L3MBTL1: variants seen among roughly 807,000 people sequenced by gnomAD.
L3MBTL1 encodes the protein lethal(3)malignant brain tumor-like protein 1.
Under a neutral mutation model 105.3 loss-of-function variants are expected in L3MBTL1, and 75 were observed. The ratio of observed to expected loss-of-function variants is 0.71; its 90% CI spans 0.59 to 0.86. L3MBTL1 has a LOEUF of 0.86. Ranked by LOEUF, L3MBTL1 falls within the 40% of genes least tolerant of loss-of-function variation. L3MBTL1 has a pLI of 0.00. For missense variants in L3MBTL1, 1,069 were observed against 1,126.4 expected (o/e 0.95, Z 0.73); for synonymous variants, 452 against 436.2 (o/e 1.04, Z -0.45).
intron 1 of L3MBTL1, among the ~76,000 whole-genome samples, chr20:43,508,311 C>T (rs2018039985): frequency 6.6e-6 from 1 of 152,126 alleles, no homozygotes; most frequent in Non-Finnish European, 1.5e-5. Flanking sequence ...CCGCCTTTGC[C>T]TATACCAGTC....
exon 19 of L3MBTL1, chr20:43,548,831 G>A (rs1316973916): frequency 6.6e-6 from 1 of 152,188 alleles, no homozygotes; most frequent in East Asian, 1.9e-4. Context: ...GTGAACCTCG[G>A]AAACATGTTT....
At position 43,536,584 on chromosome 20, in the gene L3MBTL1, G is replaced by C. The variant is rs569535396; in HGVS notation, c.2173+126G>C. The C allele has an allele frequency of 4.0e-5, 44 of 1,108,088 alleles. No individual in the cohort carries two copies. The African/African-American group carries it at 4.9e-4, about 12-fold the overall frequency. 68.6% of individuals were successfully genotyped at this position (1,108,088 alleles called of 1,614,324 possible). The stretch of plus-strand genomic sequence containing the variant: ...GCTAGAAGGAGGGCTGTGCCTCTTC[G>C]TTTGAGATACTGAGAGCACAGAGCA... On this transcript the variant is annotated intron_variant, in intron 19 of 21. Transcript: ENST00000418998.
chr20:43,528,720 C>T lies in L3MBTL1; in HGVS notation c.926C>T (p.Thr309Ile). ...ESYLEEQKAI[T>I]APVSLFQDSQ... ...TACCTAGAGGAGCAGAAGGCCATTA[C>T]TGCTCCAGTCAGCCTCTTCCAGGAC... The change falls in exon 8 of 22, where the codon ACT (threonine) becomes ATT (isoleucine). Residue 309 changes from threonine to isoleucine, a missense_variant. Transcript: ENST00000418998. 1 of 1,613,986 alleles carries T rather than the reference C, an allele frequency of 6.2e-7. No homozygotes were observed. Among genetic ancestry groups the T allele is most frequent in the Non-Finnish European group, 8.5e-7 (1 of 1,179,830 alleles).
chr20:43,537,274 A>G (rs2019679324), intron 19 of L3MBTL1, among the ~76,000 whole-genome samples: 1 of 152,222 alleles, frequency 6.6e-6, no homozygotes, highest in African/African-American at 2.4e-5. Context: ...TATTTTCCAC[A>G]GTTCTGGAGG....
At chr20:43,549,899 A>T (rs2145512484) in exon 19 of L3MBTL1, 1 of 152,332 alleles carries the variant, frequency 6.6e-6, no homozygotes, top group East Asian at 1.9e-4. Context: ...ACCACAACCC[A>T]GTAGGGGCCT....
In L3MBTL1 at chr20:43,536,092, C is replaced by T. The variant is rs1486943630; in HGVS notation, c.1926-5C>T. Reference sequence around the variant, plus strand: ...TAAACCCAACTGAAGTCTCTTCTTCCCCAGGAAGTGCCCCACTCCTGGTTG... The same window carrying T: ...TAAACCCAACTGAAGTCTCTTCTTCTCCAGGAAGTGCCCCACTCCTGGTTG... On this transcript the variant is annotated splice_polypyrimidine_tract_variant and splice_region_variant and intron_variant, in intron 17 of 21. Coordinates refer to ENST00000418998, the MANE Select transcript of L3MBTL1 (RefSeq NM_001377303.1). 4.3e-6 allele frequency: 7 copies of T among 1,612,696 alleles called. No individual in the cohort carries two copies. Among genetic ancestry groups the T allele is most frequent in the Non-Finnish European group, 5.1e-6 (6 of 1,179,926 alleles).
At chr20:43,549,969 C>T (rs2145512604) in exon 19 of L3MBTL1, 1 of 152,288 alleles carries the variant, frequency 6.6e-6, no homozygotes, top group Middle Eastern at 3.4e-3. Context: ...CAGTTGAGCT[C>T]CCACAGGGCT....
chr20:43,545,364 TAA>T (rs1055120504), downstream of L3MBTL1, among the ~76,000 whole-genome samples: 17 of 134,360 alleles, frequency 1.3e-4, no homozygotes, highest in Non-Finnish European at 1.3e-4. Context: ...GACTCAGTCT[TAA>T]AAAAAAAAAA....
At chr20:43,522,456 A>ATTTTTTTTTTTTTTT (rs778355165) in intron 7 of L3MBTL1, among the ~76,000 whole-genome samples, 6 of 89,938 alleles carry the variant, frequency 6.7e-5, no homozygotes, top group East Asian at 4.2e-4. Context: ...TTCCCTGCTA[A>ATTTTTTTTTTTTTTT]GTTTTTTTTT....
In L3MBTL1 at chr20:43,541,862, G is replaced by T; in HGVS notation, c.*734G>T. On this transcript the variant is annotated 3_prime_UTR_variant, in exon 22 of 22. Coordinates refer to ENST00000418998, the MANE Select transcript of L3MBTL1 (RefSeq NM_001377303.1). ...TTACCTATACAAAATGACTGCTATGGTGGGAACACAATAAACACCAGTTTT... is the reference window on the plus strand; with the variant it reads ...TTACCTATACAAAATGACTGCTATGTTGGGAACACAATAAACACCAGTTTT... 1 of 985,408 alleles carries T rather than the reference G, an allele frequency of 1.0e-6. No individual in the cohort carries two copies. The highest frequency in any genetic ancestry group is 1.2e-6 in the Non-Finnish European group (1 of 829,928). 61.0% of individuals were successfully genotyped at this position (985,408 alleles called of 1,614,324 possible).
intron 11 of L3MBTL1, chr20:43,531,208 T>G (rs899337027): frequency 7.0e-6 from 2 of 285,852 alleles, no homozygotes; most frequent in Admixed American, 9.4e-5. Context: ...TGCTTTGGCT[T>G]GCTCTGCAGT....
Position 43,536,118 on chromosome 20 carries a change from C to T in L3MBTL1, c.1947C>T (p.Cys649=), listed in dbSNP as rs146449149. 1.5e-5 allele frequency: 25 copies of T among 1,613,228 alleles called. No individual in the cohort carries two copies. The highest frequency in any genetic ancestry group is 2.7e-5 in the African/African-American group (2 of 74,944). The change falls in exon 18 of 22, where the codon TGC becomes TGT. Residue 649 remains cysteine (C), a synonymous_variant. Coordinates refer to ENST00000418998, the MANE Select transcript of L3MBTL1 (RefSeq NM_001377303.1). ...CCAGGAAGTGCCCCACTCCTGGTTG[C>T]GACGGCTCTGGCCATGTCACAGGCA... ...FHHRKCPTPG[C]DGSGHVTGKF...
At chr20:43,537,993 C>T (rs1043569597) in intron 19 of L3MBTL1, among the ~76,000 whole-genome samples, 2 of 152,174 alleles carry the variant, frequency 1.3e-5, no homozygotes, top group African/African-American at 2.4e-5. Context: ...AGAGGCTTAA[C>T]TGAGATGTTC....
chr20:43,509,612 A>T (rs1373730241), intron 1 of L3MBTL1, among the ~76,000 whole-genome samples: 1 of 152,248 alleles, frequency 6.6e-6, no homozygotes, highest in Non-Finnish European at 1.5e-5. Context: ...TATCTCCAGA[A>T]TATAAGCTTC....
chr20:43,529,984 C>T (rs985896729), intron 9 of L3MBTL1, among the ~76,000 whole-genome samples: 5 of 152,180 alleles, frequency 3.3e-5, no homozygotes, highest in African/African-American at 1.2e-4. Context: ...ATCAGGAGCC[C>T]TCAGCAGTCC....
chr20:43,510,279 C>T (rs1310289217), intron 1 of L3MBTL1, among the ~76,000 whole-genome samples: 3 of 151,912 alleles, frequency 2.0e-5, no homozygotes, highest in Non-Finnish European at 2.9e-5. Context: ...GGATTATAGG[C>T]GTGAGCCACC....
At chr20:43,540,101 A>G (rs902449219) in intron 19 of L3MBTL1, 50 bp from the exon 20 acceptor site, 1 of 1,602,662 alleles carries the variant, frequency 6.2e-7, no homozygotes. Flanking sequence ...GGCTTCGGGA[A>G]CAGTTTAGTC....
intron 7 of L3MBTL1, among the ~76,000 whole-genome samples, chr20:43,527,407 G>T (rs1041315166): frequency 1.3e-5 from 2 of 152,194 alleles, no homozygotes; most frequent in African/African-American, 4.8e-5. Context: ...CCTTTAAAGG[G>T]TGTTTGTCCT....
At position 43,534,919 on chromosome 20, in the gene L3MBTL1, G is replaced by A. The variant is rs1464972080; in HGVS notation, c.1802G>A (p.Gly601Glu). ...IHPAGWCSKT[G>E]HPLQPPLGPR... ...CCTGCCGGCTGGTGCTCCAAGACAG[G>A]ACATCCCCTGCAGCCTCCTCTCGGT... The change falls in exon 16 of 22, where the codon GGA (glycine) becomes GAA (glutamate). Residue 601 changes from glycine (G) to glutamate (E), a missense_variant. By Grantham distance (98) the Gly-to-Glu change is moderately conservative. Coordinates refer to ENST00000418998, the MANE Select transcript of L3MBTL1 (RefSeq NM_001377303.1). The A allele has an allele frequency of 1.2e-6, 2 of 1,605,746 alleles. No individual in the cohort carries two copies. The highest frequency in any genetic ancestry group is 3.4e-5 in the Admixed American group (2 of 59,180).
Sources: gnomAD v4.1 joint callset for allele counts (sites outside exome capture counted in the v4.1 genomes callset) on GRCh38, gnomAD v4.1.1 for gene constraint, MANE v1.5 for transcripts, NCBI Gene and HGNC (gene_info 2026-07-23, HGNC 2026-07-21) for gene names.